RTN4: variants seen among roughly 807,000 people sequenced by gnomAD.
The protein encoded by RTN4 is reticulon-4.
RTN4 carries 32 observed loss-of-function variants against 90.4 expected under a neutral mutation model. The observed-to-expected ratio is 0.35, with a 90% CI of 0.27 to 0.48. The LOEUF is 0.48. RTN4 is among the 20% of genes least tolerant of loss of function. The pLI is 0.99. For synonymous variants in RTN4, 629 were observed against 552.5 expected (o/e 1.14, Z -1.94); for missense variants, 1,706 against 1,430.2 (o/e 1.19, Z -3.11).
intron 1 of RTN4, among the ~76,000 whole-genome samples, chr2:55,098,824 T>A (rs942237927): frequency 1.3e-5 from 2 of 152,162 alleles, no homozygotes; most frequent in African/African-American, 4.8e-5. Flanking sequence ...GAGTTTCTCA[T>A]AGTCTAGTTT....
intron 1 of RTN4, among the ~76,000 whole-genome samples, chr2:55,036,470 C>T (rs993513069): frequency 5.3e-5 from 8 of 151,714 alleles, no homozygotes; most frequent in African/African-American, 1.2e-4. Flanking sequence ...GGTGTGGTGG[C>T]GTGCACCTGT....
At chr2:55,022,365 C>T (rs1162725004) in intron 3 of RTN4, among the ~76,000 whole-genome samples, 2 of 152,182 alleles carry the variant, frequency 1.3e-5, no homozygotes, top group Non-Finnish European at 2.9e-5. Flanking sequence ...GAACCAGCTC[C>T]TCTACTCCTC....
chr2:54,978,343 T>C lies in RTN4; in HGVS notation c.3361-3579A>G, dbSNP rs1008854021. Among the ~76,000 whole-genome samples the C allele has an allele frequency of 6.2e-5, 9 of 145,818 alleles. No homozygotes were observed. The East Asian group carries it at 1.4e-3, about 23-fold the overall frequency. On this transcript the variant is annotated intron_variant, in intron 5 of 8. Coordinates refer to ENST00000337526, the MANE Select transcript of RTN4 (RefSeq NM_020532.5). ...TACTTGGGAGGCTGAAGCAGGAGAA[T>C]CACTTGAACCTGGAAGGCAAAGGTT...
At chr2:55,125,093 A>G in the RTN4 span, among the ~76,000 whole-genome samples, 1 of 152,266 alleles carries the variant, frequency 6.6e-6, no homozygotes, top group Non-Finnish European at 1.5e-5. Flanking sequence ...ACAAAACAAA[A>G]GAAAAAAATT....
intron 2 of RTN4, among the ~76,000 whole-genome samples, chr2:55,066,992 T>G (rs542305489): frequency 3.3e-5 from 5 of 152,328 alleles, no homozygotes; most frequent in African/African-American, 1.2e-4. Context: ...ATATTTGAGT[T>G]TAATGTTTGT....
At chr2:55,129,383 G>C in the RTN4 span, among the ~76,000 whole-genome samples, 1 of 151,954 alleles carries the variant, frequency 6.6e-6, no homozygotes, top group South Asian at 2.1e-4. Flanking sequence ...TGACCAGCTT[G>C]GGAAACATAG....
intron 1 of RTN4, chr2:55,048,974 G>GC (rs999693889): frequency 8.0e-6 from 3 of 376,536 alleles, no homozygotes; most frequent in African/African-American, 2.2e-5. Context: ...GCAGAACTAC[G>GC]CCCCCTCGAA....
At chr2:54,994,736 C>T (rs2104713202) in intron 3 of RTN4, among the ~76,000 whole-genome samples, 1 of 152,234 alleles carries the variant, frequency 6.6e-6, no homozygotes, top group African/African-American at 2.4e-5. Flanking sequence ...AAAAGACATA[C>T]AAGGCATCCA....
At chr2:55,066,217 G>GTA (rs1290287479) in intron 2 of RTN4, among the ~76,000 whole-genome samples, 2 of 151,120 alleles carry the variant, frequency 1.3e-5, no homozygotes, top group African/African-American at 2.4e-5. Flanking sequence ...GTGTGTGTGT[G>GTA]TGTGTATGTT....
At chr2:55,064,241 AAACAC>A (rs1668352231) in intron 2 of RTN4, among the ~76,000 whole-genome samples, 1 of 151,890 alleles carries the variant, frequency 6.6e-6, no homozygotes, top group African/African-American at 2.4e-5. Context: ...AGAAAAAAGA[AAACAC>A]ATAACAGAAA....
chr2:55,070,766 G>GTTGTTGTTGT (rs1297688342), intron 2 of RTN4, among the ~76,000 whole-genome samples: 5 of 150,964 alleles, frequency 3.3e-5, no homozygotes, highest in Non-Finnish European at 7.4e-5. Flanking sequence ...TGTTGTTGTT[G>GTTGTTGTTGT]TTGTTTGTTT....
chr2:55,095,911 G>A (rs1167265236), intron 1 of RTN4, among the ~76,000 whole-genome samples: 1 of 152,158 alleles, frequency 6.6e-6, no homozygotes, highest in Non-Finnish European at 1.5e-5. Context: ...GGACTGATCA[G>A]GCAATTTGTA....
At chr2:55,129,299 G>A in the RTN4 span, among the ~76,000 whole-genome samples, 4 of 151,530 alleles carry the variant, frequency 2.6e-5, no homozygotes, top group Admixed American at 2.6e-4. Flanking sequence ...ATTAGTCTGG[G>A]CCAGTGACTC....
intron 2 of RTN4, among the ~76,000 whole-genome samples, chr2:55,057,316 T>C (rs2104998157): frequency 6.6e-6 from 1 of 151,258 alleles, no homozygotes; most frequent in South Asian, 2.1e-4. Context: ...CTCAAAATAG[T>C]AGGATTCGGA....
At chr2:55,043,179 G>T (rs1683189403) in intron 1 of RTN4, among the ~76,000 whole-genome samples, 1 of 152,080 alleles carries the variant, frequency 6.6e-6, no homozygotes, top group Admixed American at 6.6e-5. Context: ...AAACACTACT[G>T]AGAACTATGG....
chr2:55,069,376 T>C (rs1351676532), intron 2 of RTN4, among the ~76,000 whole-genome samples: 2 of 152,098 alleles, frequency 1.3e-5, no homozygotes, highest in Non-Finnish European at 2.9e-5. Flanking sequence ...ACCGCCCCCC[T>C]CAAAAAAATC....
At chr2:55,097,788 T>G (rs1209328162) in intron 1 of RTN4, among the ~76,000 whole-genome samples, 1 of 152,088 alleles carries the variant, frequency 6.6e-6, no homozygotes, top group Non-Finnish European at 1.5e-5. Flanking sequence ...GAACAGGCTG[T>G]TCTGGAACTC....
chr2:55,110,080 T>C (rs1180459820), intron 1 of RTN4, among the ~76,000 whole-genome samples: 1 of 151,984 alleles, frequency 6.6e-6, no homozygotes, highest in Non-Finnish European at 1.5e-5. Flanking sequence ...AAGTCGAGAC[T>C]GGTGGATAGC....
At chr2:55,058,200 C>T (rs1668223218) in intron 2 of RTN4, among the ~76,000 whole-genome samples, 1 of 152,012 alleles carries the variant, frequency 6.6e-6, no homozygotes, top group Admixed American at 6.6e-5. Context: ...TTATCATTTC[C>T]TTATTAAATA....
Sources: allele counts gnomAD v4.1 joint callset (sites outside exome capture counted in the v4.1 genomes callset), GRCh38; gene constraint gnomAD v4.1.1; transcripts MANE v1.5; gene names NCBI Gene and HGNC (gene_info 2026-07-23, HGNC 2026-07-21).